Variants in RIMS3 observed in about 807,000 individuals in gnomAD.
The protein encoded by RIMS3 is regulating synaptic membrane exocytosis protein 3.
A neutral mutation model predicts 29.2 loss-of-function variants in RIMS3; 15 were observed. The ratio of observed to expected loss-of-function variants is 0.51; its 90% CI spans 0.34 to 0.79. The LOEUF (loss-of-function observed/expected upper bound fraction) is 0.79. Among genes scored for constraint, RIMS3 ranks in the 30% least tolerant of loss-of-function variants. The pLI is 0.01. For missense variants in RIMS3, 342 were observed against 421.4 expected, an observed-to-expected ratio of 0.81 and a Z score of 1.65; for synonymous variants, 161 against 170.1, an observed-to-expected ratio of 0.95 and a Z score of 0.41.
chr1:40,691,488 C>T, the RIMS3 span: 1 of 305,080 alleles, frequency 3.3e-6, no homozygotes, highest in Non-Finnish European at 6.5e-6. Flanking sequence ...GGTCACTGGG[C>T]AGCGCCTCCG....
At chr1:40,645,504 G>A (rs1472947920) in intron 2 of RIMS3, among the ~76,000 whole-genome samples, 3 of 152,104 alleles carry the variant, frequency 2.0e-5, no homozygotes, top group African/African-American at 4.8e-5. Flanking sequence ...ATGGAGGCCC[G>A]GCCCTTAAGC....
chr1:40,691,505 C>A, the RIMS3 span: 3 of 305,916 alleles, frequency 9.8e-6, no homozygotes, highest in Admixed American at 1.5e-4. Flanking sequence ...TCCGGATCCC[C>A]CGAAAGGGGG....
chr1:40,627,851 T>C (rs1646465151), intron 7 of RIMS3, among the ~76,000 whole-genome samples: 1 of 152,130 alleles, frequency 6.6e-6, no homozygotes, highest in Non-Finnish European at 1.5e-5. Context: ...GTGATCCTCC[T>C]GCCTCAGTCT....
intron 1 of RIMS3, among the ~76,000 whole-genome samples, chr1:40,652,671 A>G (rs996533385): frequency 4.6e-5 from 7 of 152,222 alleles, no homozygotes; most frequent in Admixed American, 3.9e-4. Context: ...GAGGGCTGGA[A>G]AGATAGGCTG....
chr1:40,640,911 A>G (rs4660439), intron 3 of RIMS3, among the ~76,000 whole-genome samples: 37,468 of 152,128 alleles, frequency 0.25, 4,725 homozygotes, highest in Non-Finnish European at 0.27. Flanking sequence ...TGTGGTTTGC[A>G]TGACTGGTTT....
the RIMS3 span, among the ~76,000 whole-genome samples, chr1:40,679,347 A>G: frequency 1.3e-5 from 2 of 152,212 alleles, no homozygotes; most frequent in African/African-American, 2.4e-5. Flanking sequence ...ACCAAATATG[A>G]CAGGAAGCCA....
intron 4 of RIMS3, among the ~76,000 whole-genome samples, chr1:40,634,712 T>C (rs1310060911): frequency 1.3e-5 from 2 of 151,960 alleles, no homozygotes; most frequent in African/African-American, 4.8e-5. Flanking sequence ...GAAGCTGAGG[T>C]GGGCGAATCA....
chr1:40,628,748 A>C, intron 7 of RIMS3, 62 bp downstream of exon 7: 1 of 1,609,802 alleles, frequency 6.2e-7, no homozygotes, highest in Non-Finnish European at 8.5e-7. Flanking sequence ...TAAATGAAAA[A>C]CTTTAAATTA....
In RIMS3 at chr1:40,661,345, T is replaced by G. The variant is rs191483531; in HGVS notation, c.-207+4049A>C. Among the ~76,000 whole-genome samples, 624 of 152,266 alleles carry G rather than the reference T, an allele frequency of 4.1e-3. 3 individuals carry two copies. Among genetic ancestry groups the G allele is most frequent in the Middle Eastern group, 0.01 (3 of 294 alleles). On this transcript the variant is annotated intron_variant, in intron 1 of 7. Coordinates refer to ENST00000372684, the MANE Select transcript of RIMS3 (RefSeq NM_014747.3). ...GGGACAGTTAGTAATGCCCTCCACCTCATCCTTGGGAACCATTTGCAGATC... is the reference window on the plus strand; with the variant it reads ...GGGACAGTTAGTAATGCCCTCCACCGCATCCTTGGGAACCATTTGCAGATC...
intron 3 of RIMS3, among the ~76,000 whole-genome samples, chr1:40,639,898 T>C (rs552272234): frequency 1.3e-5 from 2 of 152,280 alleles, no homozygotes; most frequent in South Asian, 4.1e-4. Flanking sequence ...TGCCCTTGCA[T>C]ACCAAGGAGA....
chr1:40,665,965 C>G (rs2148366546), upstream of RIMS3, among the ~76,000 whole-genome samples: 1 of 152,292 alleles, frequency 6.6e-6, no homozygotes, highest in African/African-American at 2.4e-5. Context: ...CTCATCCTTC[C>G]TTTTCTTTGG....
At chr1:40,640,669 G>A (rs75815370) in intron 3 of RIMS3, among the ~76,000 whole-genome samples, 387 of 152,330 alleles carry the variant, frequency 2.5e-3, no homozygotes, top group African/African-American at 8.5e-3. Context: ...AGGTCTTGGT[G>A]GGGAGGGCTG....
the RIMS3 span, among the ~76,000 whole-genome samples, chr1:40,680,924 A>T: frequency 2.0e-5 from 3 of 152,120 alleles, no homozygotes; most frequent in Non-Finnish European, 2.9e-5. Flanking sequence ...ACCTTTACTA[A>T]CTTTTCTGCT....
intron 1 of RIMS3, among the ~76,000 whole-genome samples, chr1:40,661,250 C>T (rs548118130): frequency 2.4e-4 from 37 of 152,130 alleles, no homozygotes; most frequent in African/African-American, 8.2e-4. Context: ...GCATGTAAAG[C>T]GATGGGCAGA....
chr1:40,672,871 A>C, the RIMS3 span, among the ~76,000 whole-genome samples: 1 of 143,372 alleles, frequency 7.0e-6, no homozygotes, highest in Non-Finnish European at 1.5e-5. Context: ...CTCTGGAGAA[A>C]AAAAAAAAAA....
the RIMS3 span, among the ~76,000 whole-genome samples, chr1:40,685,294 T>C: frequency 1.3e-5 from 1 of 76,584 alleles, no homozygotes; most frequent in Admixed American, 1.2e-4. Context: ...TTAATATATA[T>C]ATTATATATA....
At chr1:40,650,242 C>T (rs1646623176) in intron 1 of RIMS3, among the ~76,000 whole-genome samples, 1 of 152,206 alleles carries the variant, frequency 6.6e-6, no homozygotes, top group African/African-American at 2.4e-5. Flanking sequence ...TGCCCCCTTC[C>T]CAGGACAGGG....
At chr1:40,674,260 G>A in the RIMS3 span, among the ~76,000 whole-genome samples, 113 of 152,350 alleles carry the variant, frequency 7.4e-4, no homozygotes, top group African/African-American at 2.7e-3. Flanking sequence ...CATGGGAAAT[G>A]TTCTGGGCAG....
At chr1:40,651,675 C>T (rs1292849087) in intron 1 of RIMS3, among the ~76,000 whole-genome samples, 1 of 152,230 alleles carries the variant, frequency 6.6e-6, no homozygotes, top group African/African-American at 2.4e-5. Flanking sequence ...TGGCACAGGT[C>T]TGGCATATAG....
Sources: allele counts gnomAD v4.1 joint callset (sites outside exome capture counted in the v4.1 genomes callset), GRCh38; gene constraint gnomAD v4.1.1; transcripts MANE v1.5; gene names NCBI Gene and HGNC (gene_info 2026-07-23, HGNC 2026-07-21).